The following TDRD9 variants were observed in gnomAD, a reference collection of about 807,000 sequenced individuals.
The protein encoded by TDRD9 is ATP-dependent RNA helicase TDRD9.
Under a neutral mutation model 172.6 loss-of-function variants are expected in TDRD9, and 124 were observed. The observed-to-expected ratio is 0.72, with a 90% CI of 0.62 to 0.83. The LOEUF (loss-of-function observed/expected upper bound fraction) is 0.83. Ranked by LOEUF, TDRD9 falls within the 40% of genes least tolerant of loss-of-function variation. The pLI, the probability that TDRD9 is intolerant of heterozygous loss-of-function variation, is 0.00. For missense variants in TDRD9, 1,479 were observed against 1,714.1 expected (o/e 0.86, Z 2.42); for synonymous variants, 619 against 617.1 (o/e 1.00, Z -0.05).
intron 1 of TDRD9, among the ~76,000 whole-genome samples, chr14:103,951,979 A>C (rs1455371412): frequency 6.6e-6 from 1 of 150,578 alleles, no homozygotes; most frequent in African/African-American, 2.4e-5. Flanking sequence ...CTTATTAGCC[A>C]GGGTGGTCTC....
At chr14:104,042,263 A>T in intron 34 of TDRD9, 76 bp downstream of exon 34, 1 of 993,952 alleles carries the variant, frequency 1.0e-6, no homozygotes, top group Non-Finnish European at 1.6e-6. Context: ...GCTGTTTTGA[A>T]TTGTGTAGGC....
Position 104,032,193 on chromosome 14 carries a change from ATCTTTTCTTT to A in TDRD9, c.3509+123_3509+132del, listed in dbSNP as rs139771860. 1.9e-4 allele frequency: 119 copies of A among 612,796 alleles called. 1 individual carries two copies. The highest frequency in any genetic ancestry group is 8.6e-4 in the Admixed American group (23 of 26,600). 38.0% of individuals were successfully genotyped at this position (612,796 alleles called of 1,614,324 possible). A position where few individuals can be genotyped will look rare whatever the true frequency, so the allele number is the denominator to read the frequency against. On this transcript the variant is annotated intron_variant, in intron 30 of 35. Coordinates refer to ENST00000409874, the MANE Select transcript of TDRD9 (RefSeq NM_153046.3). ...TATATCTAAACTGTTGGAATGTGTT[ATCTTTTCTTT>A]TCTTTTCTTTTCTTTTTTTTTGAGA... is the stretch of plus-strand genomic sequence containing the variant.
intron 9 of TDRD9, among the ~76,000 whole-genome samples, chr14:103,991,519 T>C (rs1301813341): frequency 6.6e-6 from 1 of 151,994 alleles, no homozygotes; most frequent in African/African-American, 2.4e-5. Context: ...TTCCAGTGAT[T>C]CTCCTGCCTC....
chr14:104,008,412 G>T lies in TDRD9; in HGVS notation c.2053-1G>T, dbSNP rs2034512331. On this transcript the variant is annotated splice_acceptor_variant, in intron 19 of 35. Transcript: ENST00000409874. LOFTEE classifies it high-confidence loss of function. ...AGTATTCTGCTTTTATATATTTAAA[G>T]GATGAACTTAATTGGGGACGGTTAA... The T allele has an allele frequency of 6.6e-7, 1 of 1,504,576 alleles. No homozygotes were observed. The highest frequency in any genetic ancestry group is 9.2e-7 in the Non-Finnish European group (1 of 1,083,016). The allele number at this position is 1,504,576 out of a possible 1,614,324, so 93.2% of individuals were successfully genotyped here.
At chr14:103,974,570 G>T (rs966783523) in intron 6 of TDRD9, among the ~76,000 whole-genome samples, 5 of 152,146 alleles carry the variant, frequency 3.3e-5, no homozygotes, top group African/African-American at 1.2e-4. Flanking sequence ...TCTAGATCCC[G>T]TTTTCTTTGC....
chr14:103,974,070 T>TGC (rs2033141313), intron 6 of TDRD9, among the ~76,000 whole-genome samples: 1 of 152,062 alleles, frequency 6.6e-6, no homozygotes, highest in Admixed American at 6.6e-5. Flanking sequence ...GGTGTGGTGG[T>TGC]GCACACATGT....
chr14:103,970,003 A>G (rs1274423751), intron 5 of TDRD9, among the ~76,000 whole-genome samples: 1 of 152,152 alleles, frequency 6.6e-6, no homozygotes, highest in African/African-American at 2.4e-5. Context: ...CAGCTTTTCC[A>G]GGACCAGCCC....
Position 103,938,440 on chromosome 14 carries a change from A to ATTTTTTTTTT in TDRD9, c.215+9723_215+9732dup, listed in dbSNP as rs71126087. Among the ~76,000 whole-genome samples the ATTTTTTTTTT allele has an allele frequency of 5.9e-3, 264 of 44,494 alleles. 13 individuals are homozygous for ATTTTTTTTTT. The highest frequency in any genetic ancestry group is 0.028 in the East Asian group (33 of 1,198). The allele number at this position is 44,494 out of a possible 152,430, so 29.2% of individuals were successfully genotyped here. ...TATATATATATATATATATATATAT[A>ATTTTTTTTTT]TTTTTTTTTTTTTTTTGAGATGGTG... On this transcript the variant is annotated intron_variant, in intron 1 of 35. Transcript: ENST00000409874.
chr14:104,025,800 C>G (rs773040968), intron 26 of TDRD9, 24 bp downstream of exon 26: 4 of 1,561,934 alleles, frequency 2.6e-6, no homozygotes, highest in Admixed American at 1.7e-5. Context: ...TAACAAGTCA[C>G]TGGAAGGGAA....
intron 24 of TDRD9, among the ~76,000 whole-genome samples, chr14:104,022,688 C>G (rs530701016): frequency 6.6e-6 from 1 of 152,034 alleles, no homozygotes; most frequent in South Asian, 2.1e-4. Context: ...GATTGCACCA[C>G]TGCACTCCAG....
Position 103,997,605 on chromosome 14 carries a change from C to T in TDRD9, c.1379-1019C>T, listed in dbSNP as rs771246066. On this transcript the variant is annotated intron_variant, in intron 12 of 35. Transcript: ENST00000409874. This position sits in a 1 kb window ranked among gnomAD's most constrained non-coding sequence, Gnocchi z 5.1. The stretch of plus-strand genomic sequence containing the variant: ...GGCGGGGGCGTCAGCCCGTGACTGG[C>T]GTTGGAAGGCAGGAACCTGGCCAAG... Among the ~76,000 whole-genome samples, 86 of 152,130 alleles carry T rather than the reference C, an allele frequency of 5.7e-4. No homozygotes were observed. The highest frequency in any genetic ancestry group is 9.7e-4 in the Non-Finnish European group (66 of 68,010).
chr14:104,034,769 G>A (rs943296470), intron 31 of TDRD9, among the ~76,000 whole-genome samples, 191 bp from the exon 32 acceptor site: 2 of 152,224 alleles, frequency 1.3e-5, no homozygotes, highest in African/African-American at 2.4e-5. Context: ...TCATAGCGTA[G>A]TGTCTCTCTG....
In TDRD9 at chr14:103,986,213, T is replaced by G; in HGVS notation, c.1012-4T>G. 5 of 1,611,578 alleles carry G rather than the reference T, an allele frequency of 3.1e-6. No homozygotes were observed. Among genetic ancestry groups the G allele is most frequent in the Non-Finnish European group, 4.2e-6 (5 of 1,178,786 alleles). ...TTGCGACTTTTTTCTTTCACTGTTT[T>G]TAGCTCTCTCCTCATCTCCTGGAGG... is the stretch of plus-strand genomic sequence containing the variant. On this transcript the variant is annotated splice_polypyrimidine_tract_variant and splice_region_variant and intron_variant, in intron 7 of 35. Transcript: ENST00000409874.
chr14:104,025,584 T>C lies in TDRD9; in HGVS notation c.2739T>C (p.Phe913=), dbSNP rs2035091310. 1.1e-5 allele frequency: 17 copies of C among 1,613,964 alleles called. No homozygotes were observed. The highest frequency in any genetic ancestry group is 1.3e-5 in the Non-Finnish European group (15 of 1,179,850). The stretch of plus-strand genomic sequence containing the variant: ...TTTAGGTGGTTGAAGTGGGACACTT[T>C]TGGGGATACAGGATTGATGAAAACA... ...DVTEVVEVGH[F]WGYRIDENNS... The change falls in exon 26 of 36, where the codon TTT becomes TTC. Residue 913 remains phenylalanine (F), a synonymous_variant. Coordinates refer to ENST00000409874, the MANE Select transcript of TDRD9 (RefSeq NM_153046.3).
At chr14:104,005,740 C>G (rs967853710) in intron 15 of TDRD9, among the ~76,000 whole-genome samples, 1 of 152,198 alleles carries the variant, frequency 6.6e-6, no homozygotes, top group Non-Finnish European at 1.5e-5. Context: ...AGTGTACATA[C>G]TGTGCTGGGG....
chr14:104,007,639 G>GT (rs61640199), intron 19 of TDRD9, among the ~76,000 whole-genome samples: 55,012 of 144,160 alleles, frequency 0.38, 10,330 homozygotes, highest in African/African-American at 0.43. Flanking sequence ...CCATTTTATT[G>GT]TTTTTTTTTT....
chr14:103,979,621 A>G (rs939127986), intron 7 of TDRD9, among the ~76,000 whole-genome samples: 1 of 152,152 alleles, frequency 6.6e-6, no homozygotes, highest in Non-Finnish European at 1.5e-5. Flanking sequence ...TGTCCCACAC[A>G]CCTGCTATTA....
chr14:104,006,834 G>A lies in TDRD9; in HGVS notation c.1996G>A (p.Glu666Lys). ...CAAGAGTGACTGTATTGCACTTGTT[G>A]AGGCATTTAAAGTAAGTTTTCTGTT... ...SSKSDCIALVEAFKTWKACRQ... is the reference protein window; with the variant it reads ...SSKSDCIALVKAFKTWKACRQ... Residue 666 changes from glutamate to lysine, a missense_variant, in exon 18 of 36, where the codon GAG becomes AAG. Physicochemically the swap from Glu to Lys is moderately conservative, Grantham distance 56. This residue lies in a region of TDRD9 where 1,413 missense variants were observed against 1,649.1 expected (regional missense o/e 0.86). Coordinates refer to ENST00000409874, the MANE Select transcript of TDRD9 (RefSeq NM_153046.3). The A allele has an allele frequency of 1.2e-6, 2 of 1,612,536 alleles. No individual in the cohort carries two copies. The highest frequency in any genetic ancestry group is 1.3e-5 in the African/African-American group (1 of 75,038).
In TDRD9 at chr14:103,966,812, C is replaced by T; in HGVS notation, c.746C>T (p.Thr249Ile). 6.4e-7 allele frequency: 1 copy of T among 1,550,432 alleles called. No homozygotes were observed. Among genetic ancestry groups the T allele is most frequent in the Non-Finnish European group, 8.7e-7 (1 of 1,146,432 alleles). Residue 249 changes from threonine to isoleucine, a missense_variant, in exon 5 of 36, where the codon ACA (threonine) becomes ATA (isoleucine). This residue lies in a region of TDRD9 where 1,413 missense variants were observed against 1,649.1 expected (regional missense o/e 0.86). Coordinates refer to ENST00000409874, the MANE Select transcript of TDRD9 (RefSeq NM_153046.3). ...AGTGCCAAGAGTTTGATGGAATTCA[C>T]ACATATCATCATTGATGAAGTAAGT... ...IVSAKSLMEF[T>I]HIIIDEVHER... is the part of the protein sequence containing the mutation.
Sources: allele counts gnomAD v4.1 joint callset (sites outside exome capture counted in the v4.1 genomes callset), GRCh38; gene constraint gnomAD v4.1.1; regional missense constraint gnomAD v4.1.1; non-coding constraint Gnocchi (gnomAD v3.1); transcripts MANE v1.5; gene names NCBI Gene and HGNC (gene_info 2026-07-23, HGNC 2026-07-21).